INTS9: variants seen among roughly 807,000 people sequenced by gnomAD.
The protein encoded by INTS9 is integrator complex subunit 9, also known as protein related to CPSF subunits of 74 kDa.
Under a neutral mutation model 79.7 loss-of-function variants are expected in INTS9, and 55 were observed. The observed-to-expected ratio is 0.69, with a 90% CI of 0.56 to 0.86. The LOEUF (loss-of-function observed/expected upper bound fraction) is 0.86, where lower values mean the gene tolerates loss of function less well. INTS9 is among the 40% of genes least tolerant of loss of function. The pLI is 0.00. For synonymous variants in INTS9, 319 were observed against 325.2 expected (o/e 0.98, Z 0.20); for missense variants, 721 against 831.5 (o/e 0.87, Z 1.64).
Position 28,882,675 on chromosome 8 carries a change from A to C in INTS9, c.9+7199T>G, listed in dbSNP as rs188786240. Among the ~76,000 whole-genome samples, 271 of 152,194 alleles carry C rather than the reference A, an allele frequency of 1.8e-3. 1 individual carries two copies. Among genetic ancestry groups the C allele is most frequent in the African/African-American group, 6.3e-3 (262 of 41,552 alleles). On this transcript the variant is annotated intron_variant, in intron 1 of 16. Transcript: ENST00000521022. ...CCTCCCCCACCTCTTCATAAACATCAGTGATGAGAAATAAACTACCCTAAA... is the reference window on the plus strand; with the variant it reads ...CCTCCCCCACCTCTTCATAAACATCCGTGATGAGAAATAAACTACCCTAAA...
chr8:28,784,862 A>G (rs573552537), intron 11 of INTS9, among the ~76,000 whole-genome samples: 1 of 152,364 alleles, frequency 6.6e-6, no homozygotes, highest in African/African-American at 2.4e-5. Flanking sequence ...ACCAACTGTT[A>G]TCAATGCTCC....
chr8:28,832,605 C>G (rs1050620305), intron 6 of INTS9, among the ~76,000 whole-genome samples: 1 of 152,212 alleles, frequency 6.6e-6, no homozygotes, highest in African/African-American at 2.4e-5. Context: ...TCCTGCCACT[C>G]ACTAGCTGTG....
chr8:28,783,080 G>T (rs1388288605), intron 11 of INTS9, among the ~76,000 whole-genome samples: 3 of 148,212 alleles, frequency 2.0e-5, no homozygotes, highest in African/African-American at 5.1e-5. Flanking sequence ...AGGAGGCGGA[G>T]CTTGCAGTGA....
rs750768905 is a variant in INTS9 at position 28,768,425 on chromosome 8, C to G, written c.1801-103G>C. On this transcript the variant is annotated intron_variant, in intron 16 of 16. Coordinates refer to ENST00000521022, the MANE Select transcript of INTS9 (RefSeq NM_018250.4). ...CGACTGAACTTTCTAGAAACTGACA[C>G]GTCTCAACACAATTCTTCAGACTAG... 11 of 1,032,758 alleles carry G rather than the reference C, an allele frequency of 1.1e-5. No homozygotes were observed. The South Asian group carries it at 1.3e-4, about 12-fold the overall frequency. 64.0% of individuals were successfully genotyped at this position (1,032,758 alleles called of 1,614,324 possible).
chr8:28,787,593 A>G (rs1202133421), intron 11 of INTS9, among the ~76,000 whole-genome samples: 1 of 152,216 alleles, frequency 6.6e-6, no homozygotes, highest in African/African-American at 2.4e-5. Context: ...GTCTGAAACA[A>G]TTCTGCGGTC....
chr8:28,834,428 C>A (rs1806681483), intron 6 of INTS9, among the ~76,000 whole-genome samples: 2 of 152,220 alleles, frequency 1.3e-5, no homozygotes, highest in East Asian at 3.9e-4. Context: ...CTCCAACTCA[C>A]CCCTTTACTT....
intron 8 of INTS9, among the ~76,000 whole-genome samples, chr8:28,803,834 ATAT>A (rs1334112437): frequency 2.0e-5 from 3 of 152,222 alleles, no homozygotes; most frequent in East Asian, 1.9e-4. Context: ...GAAGAAAATA[ATAT>A]TATTTCAAAA....
chr8:28,884,366 G>C (rs1298810257), intron 1 of INTS9, among the ~76,000 whole-genome samples: 1 of 151,288 alleles, frequency 6.6e-6, no homozygotes, highest in Non-Finnish European at 1.5e-5. Context: ...AGTTTTTTTT[G>C]TACAGACAGG....
chr8:28,872,837 T>A (rs952645123), intron 1 of INTS9, among the ~76,000 whole-genome samples: 1 of 152,244 alleles, frequency 6.6e-6, no homozygotes, highest in Admixed American at 6.5e-5. Context: ...TACTTCAGGC[T>A]TTCTGTCACT....
At chr8:28,885,077 A>G (rs748302305) in intron 1 of INTS9, among the ~76,000 whole-genome samples, 1 of 152,232 alleles carries the variant, frequency 6.6e-6, no homozygotes, top group Non-Finnish European at 1.5e-5. Flanking sequence ...CTTGTCTTCC[A>G]CTGGGAGCAG....
intron 6 of INTS9, among the ~76,000 whole-genome samples, chr8:28,835,057 C>A (rs2131174891): frequency 6.6e-6 from 1 of 152,334 alleles, no homozygotes; most frequent in Non-Finnish European, 1.5e-5. Context: ...AAACTTTGAC[C>A]ACCTCAAGAG....
chr8:28,804,467 GC>G (rs1038582776), intron 8 of INTS9, among the ~76,000 whole-genome samples: 19 of 149,124 alleles, frequency 1.3e-4, no homozygotes, highest in East Asian at 4.0e-4. Context: ...AATACCCCCC[GC>G]CCCCCTGCAT....
intron 10 of INTS9, among the ~76,000 whole-genome samples, chr8:28,789,291 C>A (rs945956599): frequency 1.3e-5 from 2 of 152,144 alleles, no homozygotes; most frequent in African/African-American, 2.4e-5. Flanking sequence ...GATTGTGAAG[C>A]CCACCTACAT....
intron 1 of INTS9, among the ~76,000 whole-genome samples, chr8:28,878,832 T>C (rs551122170): frequency 8.6e-5 from 13 of 151,770 alleles, no homozygotes; most frequent in Non-Finnish European, 1.6e-4. Flanking sequence ...ATACAAAAAT[T>C]AGCCAGGTGT....
At chr8:28,794,754 C>T (rs1390531847) in intron 9 of INTS9, among the ~76,000 whole-genome samples, 1 of 152,204 alleles carries the variant, frequency 6.6e-6, no homozygotes, top group African/African-American at 2.4e-5. Context: ...AACTTTTCTT[C>T]TGGAAGTCTC....
rs574872070 is a variant in INTS9 at position 28,880,552 on chromosome 8, C to T, written c.9+9322G>A. Among the ~76,000 whole-genome samples the T allele has an allele frequency of 1.4e-4, 21 of 151,856 alleles. No homozygotes were observed. In the South Asian group the frequency reaches 4.4e-3, roughly 32 times the overall value. ...CCGGGATTGCAGATGGAGTCTCGTT[C>T]ACTCAGTGCTCAATGGTGCCCAGGC... On this transcript the variant is annotated intron_variant, in intron 1 of 16. Transcript: ENST00000521022.
At chr8:28,792,912 CAA>C (rs11404692) in intron 10 of INTS9, among the ~76,000 whole-genome samples, 3 of 132,600 alleles carry the variant, frequency 2.3e-5, no homozygotes, top group East Asian at 2.6e-4. Context: ...GACTCCGTCT[CAA>C]AAAAAAAAAA....
At chr8:28,791,204 C>T (rs753617704) in intron 10 of INTS9, among the ~76,000 whole-genome samples, 4 of 152,146 alleles carry the variant, frequency 2.6e-5, no homozygotes, top group Non-Finnish European at 4.4e-5. Context: ...TGCACCCCCT[C>T]CCACCACCTC....
intron 4 of INTS9, among the ~76,000 whole-genome samples, chr8:28,839,609 CA>C (rs1421694664): frequency 6.6e-6 from 1 of 152,084 alleles, no homozygotes; most frequent in Admixed American, 6.6e-5. Flanking sequence ...ATCAATGGAA[CA>C]GAACAGAGCC....
Sources: allele counts gnomAD v4.1 joint callset (sites outside exome capture counted in the v4.1 genomes callset), GRCh38; gene constraint gnomAD v4.1.1; transcripts MANE v1.5; gene names NCBI Gene and HGNC (gene_info 2026-07-23, HGNC 2026-07-21).